The following SACS variants were observed in gnomAD, a reference collection of about 807,000 sequenced individuals.
SACS encodes sacsin.
A neutral mutation model predicts 348.0 loss-of-function variants in SACS; 197 were observed. The observed-to-expected ratio is 0.57, with a 90% CI of 0.50 to 0.64. The LOEUF is 0.64. Among genes scored for constraint, SACS ranks in the 30% least tolerant of loss-of-function variants. The pLI is 0.00. For missense variants in SACS, 4,999 were observed against 5,360.8 expected, an observed-to-expected ratio of 0.93 and a Z score of 2.11; for synonymous variants, 1,985 against 1,910.6, an observed-to-expected ratio of 1.04 and a Z score of -1.02.
chr13:23,394,040 A>G (rs9552942), intron 2 of SACS, among the ~76,000 whole-genome samples: 76,447 of 152,120 alleles, frequency 0.5, 19,520 homozygotes, highest in East Asian at 0.79. Flanking sequence ...GATTACTGGC[A>G]TGAGCCACGG....
rs7328867 is a variant in SACS at position 23,352,141 on chromosome 13, T to C, written c.2185+1644A>G. 8.5e-3 allele frequency among the ~76,000 whole-genome samples: 1,298 copies of C among 152,312 alleles called. 20 individuals are homozygous for C. Among genetic ancestry groups the C allele is most frequent in the African/African-American group, 0.03 (1,244 of 41,556 alleles). On this transcript the variant is annotated intron_variant, in intron 9 of 9. Coordinates refer to ENST00000382292, the MANE Select transcript of SACS (RefSeq NM_014363.6). Reference sequence around the variant, plus strand: ...TGACCTTCTACCCTTCTCACCTGATTTGGCCCTGAATAACTTTTGGCCGAT... The same window carrying C: ...TGACCTTCTACCCTTCTCACCTGATCTGGCCCTGAATAACTTTTGGCCGAT...
intron 1 of SACS, chr13:23,418,853 C>G (rs751261833): frequency 1.3e-5 from 2 of 152,182 alleles, no homozygotes; most frequent in Non-Finnish European, 2.9e-5. Context: ...ATCAAGGTGC[C>G]CATGGGTTTG....
intron 2 of SACS, among the ~76,000 whole-genome samples, chr13:23,395,123 G>C (rs76970461): frequency 8.4e-6 from 1 of 119,120 alleles, no homozygotes; most frequent in African/African-American, 3.1e-5. Flanking sequence ...TCAGAGTCCT[G>C]GGCTTCCCTG....
At chr13:23,359,566 T>C (rs1290349674) in intron 6 of SACS, among the ~76,000 whole-genome samples, 1 of 152,218 alleles carries the variant, frequency 6.6e-6, no homozygotes. Context: ...CTTCAAAAAG[T>C]AATATTTATA....
At chr13:23,377,611 A>G (rs1871867994) in intron 2 of SACS, among the ~76,000 whole-genome samples, 1 of 152,194 alleles carries the variant, frequency 6.6e-6, no homozygotes, top group Non-Finnish European at 1.5e-5. Context: ...GCTCCAGCAC[A>G]TCACATTCGC....
rs371943840 is a variant in SACS, at chr13:23,337,134, C to G, written c.6742G>C (p.Ala2248Pro). 4 of 1,613,972 alleles carry G rather than the reference C, an allele frequency of 2.5e-6. No homozygotes were observed. The Admixed American group carries it at 5.0e-5, about 20-fold the overall frequency. Residue 2248 changes from alanine to proline, a missense_variant, in exon 10 of 10, where the codon GCT becomes CCT. Around this residue, in one of 6 missense-constraint regions of SACS, gnomAD observed 3,156 missense variants for 3,380.1 expected, o/e 0.93. Transcript: ENST00000382292. ...TMFAATDLYT[A>P]EHQDIVCLLQ... ...AGACAAACTATATCTTGATGTTCAG[C>G]TGTATAAAGGTCAGTTGCTGCAAAC... is the stretch of plus-strand genomic sequence containing the variant.
rs1382421871 is a variant in SACS at position 23,354,511 on chromosome 13, A to T, written c.2093+8T>A. On this transcript the variant is annotated splice_region_variant and intron_variant, in intron 8 of 9. Coordinates refer to ENST00000382292, the MANE Select transcript of SACS (RefSeq NM_014363.6). ...AGTGAACAGGAATGTTAGAAGGGGG[A>T]CCCCTACCTTGGATATTCTGCTGAG... The T allele has an allele frequency of 6.2e-7, 1 of 1,612,614 alleles. No individual in the cohort carries two copies. Among genetic ancestry groups the T allele is most frequent in the Non-Finnish European group, 8.5e-7 (1 of 1,178,744 alleles).
intron 8 of SACS, 26 bp from the exon 9 acceptor site, chr13:23,353,902 A>G (rs1158303652): frequency 5.7e-6 from 7 of 1,224,954 alleles, no homozygotes; most frequent in South Asian, 1.2e-5. Flanking sequence ...AACAGCAATC[A>G]TCATAATCTT....
intron 1 of SACS, among the ~76,000 whole-genome samples, chr13:23,430,702 T>C (rs1222253202): frequency 6.6e-6 from 1 of 152,252 alleles, no homozygotes; most frequent in Non-Finnish European, 1.5e-5. Flanking sequence ...TTTGATTTAT[T>C]TTTAAATGTC....
chr13:23,336,709 C>A lies in SACS; in HGVS notation c.7167G>T (p.Val2389=). The A allele has an allele frequency of 6.2e-7, 1 of 1,613,826 alleles. No individual in the cohort carries two copies. The highest frequency in any genetic ancestry group is 8.5e-7 in the Non-Finnish European group (1 of 1,179,866). ...KNNFRELFET[V]GVRQSCTVED... is the part of the protein sequence containing the mutation. Reference sequence around the variant, plus strand: ...CAACAGTGCATGACTGCCTCACACCCACGGTTTCAAAAAGTTCGCGGAAAT... The same window carrying A: ...CAACAGTGCATGACTGCCTCACACCAACGGTTTCAAAAAGTTCGCGGAAAT... Residue 2389 remains valine, a synonymous_variant, in exon 10 of 10, where the codon GTG becomes GTT. Transcript: ENST00000382292.
chr13:23,384,190 A>G (rs954603856), intron 2 of SACS, among the ~76,000 whole-genome samples: 2 of 152,268 alleles, frequency 1.3e-5, no homozygotes, highest in African/African-American at 4.8e-5. Flanking sequence ...GCTCAGGCAG[A>G]AGAGCAGAAG....
Position 23,355,786 on chromosome 13 carries a change from G to A in SACS, c.826C>T (p.Arg276Cys), listed in dbSNP as rs1438645077. The change falls in exon 8 of 10, where the codon CGC becomes TGC. Residue 276 changes from arginine to cysteine, a missense_variant. This residue lies in a region of SACS where 3,156 missense variants were observed against 3,380.1 expected (regional missense o/e 0.93). Transcript: ENST00000382292. ...FPGTFFRFPL[R>C]LQPSQLSSNL... ...CTACTAAGTTGTGAAGGTTGTAGGC[G>A]AAGAGGGAAACGGAAAAATGTTCCT... 6.2e-6 allele frequency: 10 copies of A among 1,614,200 alleles called. No homozygotes were observed. Among genetic ancestry groups the A allele is most frequent in the South Asian group, 1.1e-5 (1 of 91,084 alleles).
At position 23,341,384 on chromosome 13, in the gene SACS, T is replaced by C. The variant is rs375968367; in HGVS notation, c.2492A>G (p.Glu831Gly). Residue 831 changes from glutamate to glycine, a missense_variant, in exon 10 of 10, where the codon GAA becomes GGA. Coordinates refer to ENST00000382292, the MANE Select transcript of SACS (RefSeq NM_014363.6). ...RIPSLVILDD[E>G]SEAQLPEFLA... ...AAATTCTGGAAGCTGTGCTTCAGAT[T>C]CATCGTCTAAAATGACTAACGATGG... is the stretch of plus-strand genomic sequence containing the variant. The C allele has an allele frequency of 2.5e-5, 41 of 1,609,518 alleles. No homozygotes were observed. In the African/African-American group the frequency reaches 5.4e-4, roughly 21 times the overall value.
chr13:23,339,065 C>T lies in SACS; in HGVS notation c.4811G>A (p.Trp1604Ter), dbSNP rs1360415486. ...DKSNPGIKIN[W>*]SKQQKRLRKF... ...TCTAAGTCTTTTCTGTTGTTTACTC[C>T]AATTAATTTTGATCCCAGGATTGGA... The change falls in exon 10 of 10, where the codon TGG becomes TAG. Residue 1604 changes from tryptophan to a stop codon, truncating the protein, a stop_gained. Coordinates refer to ENST00000382292, the MANE Select transcript of SACS (RefSeq NM_014363.6). LOFTEE classifies it high-confidence loss of function. 1 of 1,612,192 alleles carries T rather than the reference C, an allele frequency of 6.2e-7. No homozygotes were observed. The highest frequency in any genetic ancestry group is 8.5e-7 in the Non-Finnish European group (1 of 1,179,380).
chr13:23,339,455 A>C lies in SACS; in HGVS notation c.4421T>G (p.Val1474Gly), dbSNP rs774039910. 1 of 1,605,034 alleles carries C rather than the reference A, an allele frequency of 6.2e-7. No homozygotes were observed. The highest frequency in any genetic ancestry group is 1.1e-5 in the South Asian group (1 of 89,292). The part of the protein sequence containing the change: ...IKNILEEYPS[V>G]SDIFKELLQN... Reference sequence around the variant, plus strand: ...AAGTAGTTCTTTAAAAATATCTGACACTGAAGGGTATTCTTCCAGAATATT... The same window carrying C: ...AAGTAGTTCTTTAAAAATATCTGACCCTGAAGGGTATTCTTCCAGAATATT... Residue 1474 changes from valine (V) to glycine (G), a missense_variant, in exon 10 of 10, where the codon GTG becomes GGG. This residue lies in a region of SACS where 3,156 missense variants were observed against 3,380.1 expected (regional missense o/e 0.93). Transcript: ENST00000382292.
intron 2 of SACS, among the ~76,000 whole-genome samples, chr13:23,378,891 A>T (rs769995579): frequency 2.3e-4 from 35 of 152,336 alleles, no homozygotes; most frequent in South Asian, 8.3e-4. Context: ...AAACTTGTGA[A>T]ACACTCCATC....
At chr13:23,363,122 T>C (rs2137769958) in intron 6 of SACS, among the ~76,000 whole-genome samples, 1 of 152,040 alleles carries the variant, frequency 6.6e-6, no homozygotes, top group South Asian at 2.1e-4. Flanking sequence ...TTGGCCAGGC[T>C]GGTCTCAAAT....
intron 2 of SACS, among the ~76,000 whole-genome samples, chr13:23,398,590 A>C (rs1872811064): frequency 6.6e-6 from 1 of 152,006 alleles, no homozygotes; most frequent in Non-Finnish European, 1.5e-5. Context: ...GGAACAACTC[A>C]AAGCAGGGGC....
At chr13:23,423,945 C>G (rs116306034) in intron 1 of SACS, among the ~76,000 whole-genome samples, 105 of 152,176 alleles carry the variant, frequency 6.9e-4, no homozygotes, top group African/African-American at 2.1e-3. Context: ...TATGAATATA[C>G]GAGTATCCAT....
Sources: allele counts gnomAD v4.1 joint callset (sites outside exome capture counted in the v4.1 genomes callset), GRCh38; gene constraint gnomAD v4.1.1; regional missense constraint gnomAD v4.1.1; transcripts MANE v1.5; gene names NCBI Gene and HGNC (gene_info 2026-07-23, HGNC 2026-07-21).